Variants in TMC5 observed in about 807,000 individuals in gnomAD.
TMC5 encodes the protein transmembrane channel-like protein 5.
A neutral mutation model predicts 110.5 loss-of-function variants in TMC5; 86 were observed. The ratio of observed to expected loss-of-function variants is 0.78; its 90% CI spans 0.65 to 0.93. The LOEUF (loss-of-function observed/expected upper bound fraction) is 0.93. Among genes scored for constraint, TMC5 ranks in the 40% least tolerant of loss-of-function variants. The pLI is 0.00. For synonymous variants in TMC5, 455 were observed against 439.5 expected (o/e 1.04, Z -0.44); for missense variants, 1,144 against 1,222.8 (o/e 0.94, Z 0.96).
At chr16:19,455,230 T>C (rs1166376460) in intron 5 of TMC5, among the ~76,000 whole-genome samples, 1 of 151,792 alleles carries the variant, frequency 6.6e-6, no homozygotes, top group Non-Finnish European at 1.5e-5. Flanking sequence ...GGCGAATCAC[T>C]TGAGGTCAGG....
intron 12 of TMC5, among the ~76,000 whole-genome samples, chr16:19,476,608 TG>T (rs948126161): frequency 8.0e-4 from 122 of 152,318 alleles, no homozygotes; most frequent in African/African-American, 2.6e-3. Flanking sequence ...CAGTGTACGC[TG>T]GGTCAGCACC....
chr16:19,433,428 C>G (rs966213536), intron 2 of TMC5, among the ~76,000 whole-genome samples: 1 of 152,174 alleles, frequency 6.6e-6, no homozygotes, highest in African/African-American at 2.4e-5. Context: ...TGTCTTCCTG[C>G]AGCACAATGA....
chr16:19,418,716 G>T (rs1966911663), intron 1 of TMC5, among the ~76,000 whole-genome samples: 1 of 137,896 alleles, frequency 7.3e-6, no homozygotes, highest in Admixed American at 8.1e-5. Flanking sequence ...CCTCTGATAA[G>T]TGATTTTTGT....
intron 11 of TMC5, 61 bp downstream of exon 11, chr16:19,472,304 G>T: frequency 6.3e-7 from 1 of 1,581,846 alleles, no homozygotes; most frequent in Non-Finnish European, 8.6e-7. Flanking sequence ...TGCTGGAGGG[G>T]AAGGGTGGTG....
intron 2 of TMC5, 113 bp from the exon 3 acceptor site, chr16:19,439,847 G>T: frequency 6.8e-6 from 4 of 584,278 alleles, no homozygotes; most frequent in Non-Finnish European, 1.2e-5. Flanking sequence ...ATTCTAGGCA[G>T]TTGTGTACCT....
exon 1 of TMC5, chr16:19,410,942 GC>G (rs1472909212): frequency 6.6e-6 from 1 of 152,330 alleles, no homozygotes. Context: ...CGGGGAGCCA[GC>G]GGGGTGCGGC....
chr16:19,436,511 C>A (rs184285739), intron 2 of TMC5, among the ~76,000 whole-genome samples: 1 of 152,070 alleles, frequency 6.6e-6, no homozygotes, highest in African/African-American at 2.4e-5. Flanking sequence ...TAAACAAATG[C>A]GATAATTTTT....
chr16:19,490,478 G>A lies in TMC5; in HGVS notation c.2657G>A (p.Ser886Asn). Residue 886 changes from serine (S) to asparagine (N), a missense_variant, in exon 18 of 22, where the codon AGT becomes AAT. Coordinates refer to ENST00000542583, the MANE Select transcript of TMC5 (RefSeq NM_001261841.2). The stretch of plus-strand genomic sequence containing the variant: ...ATCTACAGCTGGATCGACACCCTAA[G>A]TACACGGCCTGGCTACCTGTGGGTT... ...HSIYSWIDTL[S>N]TRPGYLWVVW... is the part of the protein sequence containing the mutation. 3 of 1,614,112 alleles carry A rather than the reference G, an allele frequency of 1.9e-6. No individual in the cohort carries two copies. In the South Asian group the frequency reaches 3.3e-5, roughly 18 times the overall value.
chr16:19,485,454 G>A (rs906479893), intron 15 of TMC5, among the ~76,000 whole-genome samples: 7 of 152,036 alleles, frequency 4.6e-5, no homozygotes, highest in Non-Finnish European at 1.0e-4. Flanking sequence ...CTGCCACCAC[G>A]CCCAGCTAAT....
rs1969102637 is a variant in TMC5, at chr16:19,498,056, T to C, written c.*90T>C. 1 of 1,298,298 alleles carries C rather than the reference T, an allele frequency of 7.7e-7. No individual in the cohort carries two copies. Among genetic ancestry groups the C allele is most frequent in the East Asian group, 2.3e-5 (1 of 43,170 alleles). 80.4% of individuals were successfully genotyped at this position (1,298,298 alleles called of 1,614,324 possible). ...CCATGCCACCTGTGCCTTTAGGAAC[T>C]GCCCAGAAGAAAATCCAAGGCTTTA... On this transcript the variant is annotated 3_prime_UTR_variant, in exon 22 of 22. Coordinates refer to ENST00000542583, the MANE Select transcript of TMC5 (RefSeq NM_001261841.2).
chr16:19,494,461 A>C, intron 20 of TMC5, 95 bp downstream of exon 20: 11 of 770,904 alleles, frequency 1.4e-5, no homozygotes, highest in East Asian at 2.5e-5. Flanking sequence ...TCTTGGGATC[A>C]TGGAAGGGCC....
At position 19,497,147 on chromosome 16, in the gene TMC5, A is replaced by C. The variant is rs1192860675; in HGVS notation, c.2958A>C (p.Glu986Asp). Residue 986 changes from glutamate (E) to aspartate (D), a missense_variant, in exon 21 of 22, where the codon GAA (glutamate) becomes GAC (aspartate). Transcript: ENST00000542583. The stretch of plus-strand genomic sequence containing the variant: ...AACAAGGCTTTTTGCATTTGGGGGA[A>C]CATGATGGCAGTCTTGGTGAGTAAT... ...VEQQGFLHLG[E>D]HDGSLDLRSR... 6.2e-7 allele frequency: 1 copy of C among 1,614,086 alleles called. No individual in the cohort carries two copies. Among genetic ancestry groups the C allele is most frequent in the Admixed American group, 1.7e-5 (1 of 60,016 alleles).
Position 19,440,167 on chromosome 16 carries a change from C to T in TMC5, c.129C>T (p.Asn43=), listed in dbSNP as rs1967450132. The part of the protein sequence containing the change: ...QGYPDVPGPL[N]NPDYPGTRSN... Reference sequence around the variant, plus strand: ...ATCCAGATGTTCCAGGTCCTCTGAACAATCCAGACTACCCCGGCACCAGGA... The same window carrying T: ...ATCCAGATGTTCCAGGTCCTCTGAATAATCCAGACTACCCCGGCACCAGGA... The change falls in exon 3 of 22, where the codon AAC becomes AAT. Residue 43 remains asparagine, a synonymous_variant. Coordinates refer to ENST00000542583, the MANE Select transcript of TMC5 (RefSeq NM_001261841.2). 6.2e-7 allele frequency: 1 copy of T among 1,614,050 alleles called. No individual in the cohort carries two copies. The highest frequency in any genetic ancestry group is 8.5e-7 in the Non-Finnish European group (1 of 1,180,032).
intron 10 of TMC5, among the ~76,000 whole-genome samples, chr16:19,471,742 A>G (rs1266798546): frequency 6.6e-6 from 1 of 151,810 alleles, no homozygotes; most frequent in Non-Finnish European, 1.5e-5. Flanking sequence ...ACTTTCATTT[A>G]TTTTTATTTA....
At chr16:19,429,885 C>T (rs1366111072) in intron 1 of TMC5, among the ~76,000 whole-genome samples, 1 of 151,832 alleles carries the variant, frequency 6.6e-6, no homozygotes, top group Non-Finnish European at 1.5e-5. Context: ...TATAAGGACA[C>T]CAGTCATGTT....
chr16:19,450,242 A>G (rs1357889523), intron 5 of TMC5, among the ~76,000 whole-genome samples: 1 of 152,254 alleles, frequency 6.6e-6, no homozygotes, highest in East Asian at 1.9e-4. Context: ...AACAGGCATT[A>G]GCCCAGGGGG....
At chr16:19,480,965 T>A (rs1360794831) in intron 14 of TMC5, among the ~76,000 whole-genome samples, 3 of 152,032 alleles carry the variant, frequency 2.0e-5, no homozygotes, top group African/African-American at 7.2e-5. Context: ...CAGGGAAACA[T>A]AATTTGATAG....
At chr16:19,435,911 T>G (rs1038308565) in intron 2 of TMC5, among the ~76,000 whole-genome samples, 13 of 152,314 alleles carry the variant, frequency 8.5e-5, no homozygotes, top group Admixed American at 3.3e-4. Context: ...CACAATTCAT[T>G]CACTTATTCC....
Position 19,438,365 on chromosome 16 carries a change from C to A in TMC5, c.-79-1595C>A, listed in dbSNP as rs1469467818. On this transcript the variant is annotated intron_variant, in intron 2 of 21. Coordinates refer to ENST00000542583, the MANE Select transcript of TMC5 (RefSeq NM_001261841.2). The stretch of plus-strand genomic sequence containing the variant: ...CTATGATTGTACCATTGTACTACAG[C>A]CTGGGTGACAGAGTGACACCCTGTC... 2.3e-5 allele frequency among the ~76,000 whole-genome samples: 3 copies of A among 130,696 alleles called. No individual in the cohort carries two copies. The East Asian group carries it at 7.0e-4, about 30-fold the overall frequency. 85.7% of individuals were successfully genotyped at this position (130,696 alleles called of 152,430 possible).
Sources: gnomAD v4.1 joint callset for allele counts (sites outside exome capture counted in the v4.1 genomes callset) on GRCh38, gnomAD v4.1.1 for gene constraint, MANE v1.5 for transcripts, NCBI Gene and HGNC (gene_info 2026-07-23, HGNC 2026-07-21) for gene names.